WDPCP: variants seen among roughly 807,000 people sequenced by gnomAD.
WDPCP encodes the protein WD repeat containing planar cell polarity effector, also known as WD repeat-containing and planar cell polarity effector protein fritz homolog.
WDPCP carries 71 observed loss-of-function variants against 93.1 expected under a neutral mutation model. The ratio of observed to expected loss-of-function variants is 0.76; its 90% confidence interval spans 0.63 to 0.93. The LOEUF (loss-of-function observed/expected upper bound fraction) is 0.93, where lower values mean the gene tolerates loss of function less well. Ranked by LOEUF, WDPCP falls within the 40% of genes least tolerant of loss-of-function variation. WDPCP has a pLI of 0.00. For synonymous variants in WDPCP, 315 were observed against 315.0 expected, an observed-to-expected ratio of 1.00 and a Z score of 0.00; for missense variants, 844 against 887.4, an observed-to-expected ratio of 0.95 and a Z score of 0.62.
At chr2:63,631,811 C>T (rs1448138258) in intron 3 of WDPCP, among the ~76,000 whole-genome samples, 1 of 152,202 alleles carries the variant, frequency 6.6e-6, no homozygotes, top group African/African-American at 2.4e-5. Context: ...ACTCCAGCAA[C>T]CTTTGCTGCT....
intron 1 of WDPCP, among the ~76,000 whole-genome samples, chr2:63,575,030 T>A (rs1376311749): frequency 6.6e-6 from 1 of 152,020 alleles, no homozygotes; most frequent in Non-Finnish European, 1.5e-5. Flanking sequence ...TTTAACCTTA[T>A]CCTTTAAAAA....
chr2:63,308,443 C>G (rs564170312), intron 13 of WDPCP, among the ~76,000 whole-genome samples: 1 of 152,146 alleles, frequency 6.6e-6, no homozygotes, highest in African/African-American at 2.4e-5. Context: ...CATATGCACA[C>G]GTATGTTTAT....
chr2:63,159,793 A>G (rs1312047592), intron 15 of WDPCP, among the ~76,000 whole-genome samples: 9 of 152,180 alleles, frequency 5.9e-5, no homozygotes, highest in Non-Finnish European at 1.3e-4. Context: ...TAGTTTATCT[A>G]TCAGTTTAGA....
At chr2:63,362,342 G>GGA in intron 12 of WDPCP, among the ~76,000 whole-genome samples, 1 of 147,942 alleles carries the variant, frequency 6.8e-6, no homozygotes, top group Admixed American at 6.8e-5. Context: ...AGAGAGGGAG[G>GGA]GAAAGAGGCA....
chr2:63,189,778 G>A (rs1167773198), intron 14 of WDPCP, among the ~76,000 whole-genome samples: 1 of 152,052 alleles, frequency 6.6e-6, no homozygotes. Flanking sequence ...GCTTGGATAT[G>A]CTAGTACTAT....
chr2:63,552,275 C>T (rs1009714976), intron 1 of WDPCP, among the ~76,000 whole-genome samples: 29 of 151,004 alleles, frequency 1.9e-4, no homozygotes, highest in Non-Finnish European at 3.8e-4. Context: ...TATTCTTTCT[C>T]TTTTATGTTG....
intron 14 of WDPCP, chr2:63,228,490 G>T (rs1678509034): frequency 1.5e-5 from 2 of 137,730 alleles, no homozygotes; most frequent in East Asian, 4.6e-4. Context: ...GTGCAGGTTT[G>T]TTACATATGT....
chr2:63,376,166 T>C (rs1470398931), intron 12 of WDPCP, among the ~76,000 whole-genome samples: 2 of 152,030 alleles, frequency 1.3e-5, no homozygotes, highest in Non-Finnish European at 2.9e-5. Context: ...TCAAAACTTT[T>C]GTTTCTTTTT....
chr2:63,780,568 C>T (rs370119237), intron 2 of WDPCP, among the ~76,000 whole-genome samples: 1 of 152,226 alleles, frequency 6.6e-6, no homozygotes, highest in South Asian at 2.1e-4. Flanking sequence ...CACGTAACTC[C>T]CAAGGACATA....
At chr2:63,410,909 C>G (rs1001000105) in intron 9 of WDPCP, among the ~76,000 whole-genome samples, 4 of 152,076 alleles carry the variant, frequency 2.6e-5, no homozygotes, top group Admixed American at 2.6e-4. Context: ...ACTAATTGAC[C>G]TAACAAATGA....
At chr2:63,296,356 T>C (rs985976036) in intron 13 of WDPCP, among the ~76,000 whole-genome samples, 4 of 152,210 alleles carry the variant, frequency 2.6e-5, no homozygotes, top group Admixed American at 6.5e-5. Flanking sequence ...TGGAGAAAAT[T>C]TGCAAGCATT....
At chr2:63,147,472 G>A (rs1671595718) in intron 17 of WDPCP, among the ~76,000 whole-genome samples, 1 of 152,166 alleles carries the variant, frequency 6.6e-6, no homozygotes, top group Non-Finnish European at 1.5e-5. Flanking sequence ...GACCACATAT[G>A]GAGGAGCAAG....
intron 3 of WDPCP, among the ~76,000 whole-genome samples, chr2:63,608,911 A>C (rs1709584503): frequency 6.6e-6 from 1 of 152,230 alleles, no homozygotes; most frequent in Non-Finnish European, 1.5e-5. Context: ...GGAAGCATAA[A>C]AACAAAATTT....
At chr2:63,677,124 G>A (rs1156602862) in intron 2 of WDPCP, among the ~76,000 whole-genome samples, 3 of 152,294 alleles carry the variant, frequency 2.0e-5, no homozygotes, top group East Asian at 3.9e-4. Flanking sequence ...AGCTTCCTGT[G>A]TGGTTCTAAT....
In WDPCP at chr2:63,757,052, G is replaced by A. The variant is rs187579342; in HGVS notation, n.308+56570C>T. On this transcript the variant is annotated intron_variant and non_coding_transcript_variant, in intron 2 of 4. Transcript: ENST00000467687. ...ACAATGTGGAGTATTTTAGCACCCTGAGGAAAAGCTTAGTCCAAATTGGTT... is the reference window on the plus strand; with the variant it reads ...ACAATGTGGAGTATTTTAGCACCCTAAGGAAAAGCTTAGTCCAAATTGGTT... Among the ~76,000 whole-genome samples, 6 of 152,280 alleles carry A rather than the reference G, an allele frequency of 3.9e-5. No homozygotes were observed. In the East Asian group the frequency reaches 1.2e-3, roughly 29 times the overall value.
chr2:63,534,797 A>G (rs865952572), intron 1 of WDPCP, among the ~76,000 whole-genome samples: 317 of 152,202 alleles, frequency 2.1e-3, no homozygotes, highest in Non-Finnish European at 2.9e-3. Flanking sequence ...TTGAAAACTC[A>G]CACAAGACAG....
At chr2:63,471,698 C>A (rs1699700559) in intron 6 of WDPCP, among the ~76,000 whole-genome samples, 1 of 152,138 alleles carries the variant, frequency 6.6e-6, no homozygotes, top group African/African-American at 2.4e-5. Context: ...TGGAACCTCC[C>A]ATTCCCTGCC....
chr2:63,444,938 A>G (rs1697748999), intron 6 of WDPCP, among the ~76,000 whole-genome samples: 1 of 152,158 alleles, frequency 6.6e-6, no homozygotes, highest in Non-Finnish European at 1.5e-5. Flanking sequence ...TGGGAAGGTG[A>G]GCTTTCTCTT....
chr2:63,145,847 T>A (rs2103751875), intron 17 of WDPCP, among the ~76,000 whole-genome samples: 1 of 152,366 alleles, frequency 6.6e-6, no homozygotes, highest in South Asian at 2.1e-4. Context: ...GAGCATGGAA[T>A]GTTTTTCCAT....
Sources: allele counts gnomAD v4.1 joint callset (sites outside exome capture counted in the v4.1 genomes callset), GRCh38; gene constraint gnomAD v4.1.1; transcripts MANE v1.5; gene names NCBI Gene and HGNC (gene_info 2026-07-23, HGNC 2026-07-21).